Variants in UBE2O observed in about 807,000 individuals in gnomAD.
The protein encoded by UBE2O is (E3-independent) E2 ubiquitin-conjugating enzyme.
A neutral mutation model predicts 125.8 loss-of-function variants in UBE2O; 15 were observed. The ratio of observed to expected loss-of-function variants is 0.12; its 90% CI spans 0.08 to 0.18. The LOEUF (loss-of-function observed/expected upper bound fraction) is 0.18, where lower values mean the gene tolerates loss of function less well. UBE2O is among the 10% of genes least tolerant of loss of function. The pLI is 1.00. For missense variants in UBE2O, 1,280 were observed against 1,723.6 expected (o/e 0.74, Z 4.56); for synonymous variants, 708 against 703.2 (o/e 1.01, Z -0.11).
In UBE2O at chr17:76,391,433, T is replaced by A; in HGVS notation, c.3389A>T (p.His1130Leu). ...CAGCCGCCAGCCACCAGTGCTAAAGTGTTGCCTGATCTCCTGCTCAAAGAC... is the reference window on the plus strand; with the variant it reads ...CAGCCGCCAGCCACCAGTGCTAAAGAGTTGCCTGATCTCCTGCTCAAAGAC... The part of the protein sequence containing the change: ...PEVFEQEIRQ[H>L]FSTGGWRLVN... The change falls in exon 18 of 18, where the codon CAC becomes CTC. Residue 1130 changes from histidine to leucine, a missense_variant. Transcript: ENST00000319380. This position sits in a 1 kb window ranked among gnomAD's most constrained non-coding sequence, Gnocchi z 8.4. 1 of 1,613,686 alleles carries A rather than the reference T, an allele frequency of 6.2e-7. No individual in the cohort carries two copies. The highest frequency in any genetic ancestry group is 8.5e-7 in the Non-Finnish European group (1 of 1,180,014).
chr17:76,431,969 C>T (rs1240047012), intron 1 of UBE2O, among the ~76,000 whole-genome samples: 1 of 152,212 alleles, frequency 6.6e-6, no homozygotes, highest in Non-Finnish European at 1.5e-5. Flanking sequence ...GGAAGACACT[C>T]CCTGTCAGTG....
Position 76,399,586 on chromosome 17 carries a change from AGAG to A in UBE2O, c.1488_1490del (p.Ser497del). 2 of 1,614,220 alleles carry A rather than the reference AGAG, an allele frequency of 1.2e-6. No homozygotes were observed. Among genetic ancestry groups the A allele is most frequent in the Non-Finnish European group, 1.7e-6 (2 of 1,180,034 alleles). On this transcript the variant is annotated inframe_deletion, in exon 9 of 18. Transcript: ENST00000319380. This position sits in a 1 kb window ranked among gnomAD's most constrained non-coding sequence, Gnocchi z 6.9. ...TCTGGGAGGAAGTGGTGGAGCTGGC[AGAG>A]GAGGTCACCGAACTGGTGTCGTCCG...
Position 76,400,104 on chromosome 17 carries a change from C to T in UBE2O, c.1155+43G>A. 6.3e-7 allele frequency: 1 copy of T among 1,595,340 alleles called. No homozygotes were observed. Among genetic ancestry groups the T allele is most frequent in the South Asian group, 1.1e-5 (1 of 88,216 alleles). ...CTTGGCCATGGAAATGGCTCAAGGC[C>T]AGTTCCTCAAATGCCCACCAATCCC... On this transcript the variant is annotated intron_variant, in intron 8 of 17. Transcript: ENST00000319380. The surrounding 1 kb of genome is among the most constrained non-coding windows in gnomAD (Gnocchi z 4.3).
intron 1 of UBE2O, among the ~76,000 whole-genome samples, chr17:76,441,903 G>A (rs1261552673): frequency 6.6e-6 from 1 of 152,256 alleles, no homozygotes; most frequent in East Asian, 1.9e-4. Context: ...AAGGGTCTTG[G>A]TGCAGGCAGA....
At position 76,402,565 on chromosome 17, in the gene UBE2O, T is replaced by G; in HGVS notation, c.686+37A>C. 6.3e-7 allele frequency: 1 copy of G among 1,577,680 alleles called. No individual in the cohort carries two copies. Among genetic ancestry groups the G allele is most frequent in the South Asian group, 1.1e-5 (1 of 90,370 alleles). Reference sequence around the variant, plus strand: ...CTCCCCTCTTTCCAAGAGGCTATCCTTCCCAAGCCGATGGCTCTCTGGTGG... The same window carrying G: ...CTCCCCTCTTTCCAAGAGGCTATCCGTCCCAAGCCGATGGCTCTCTGGTGG... On this transcript the variant is annotated intron_variant, in intron 4 of 17. Transcript: ENST00000319380. This position sits in a 1 kb window ranked among gnomAD's most constrained non-coding sequence, Gnocchi z 5.4.
Position 76,398,142 on chromosome 17 carries a change from C to T in UBE2O, c.2025+113G>A. 1 of 1,452,406 alleles carries T rather than the reference C, an allele frequency of 6.9e-7. No homozygotes were observed. 90.0% of individuals were successfully genotyped at this position (1,452,406 alleles called of 1,614,324 possible). ...CAGCTGCCCTTCTGAGGACACTGAG[C>T]CCAGAGGACTTTCAGGTCTTGTCTC... is the stretch of plus-strand genomic sequence containing the variant. On this transcript the variant is annotated intron_variant, in intron 12 of 17. Transcript: ENST00000319380. This position sits in a 1 kb window ranked among gnomAD's most constrained non-coding sequence, Gnocchi z 5.4.
chr17:76,441,557 C>G (rs918393373), intron 1 of UBE2O, among the ~76,000 whole-genome samples: 1 of 152,096 alleles, frequency 6.6e-6, no homozygotes, highest in Non-Finnish European at 1.5e-5. Flanking sequence ...AAAACTGAAC[C>G]CATTGACATC....
chr17:76,449,289 A>G (rs891691024), intron 1 of UBE2O, among the ~76,000 whole-genome samples: 3 of 152,258 alleles, frequency 2.0e-5, no homozygotes, highest in Non-Finnish European at 4.4e-5. Flanking sequence ...AAAAATTTCA[A>G]TGGGGCAAGG....
chr17:76,396,201 C>A lies in UBE2O; in HGVS notation c.2736G>T (p.Gln912His). 2 of 1,614,160 alleles carry A rather than the reference C, an allele frequency of 1.2e-6. No homozygotes were observed. The highest frequency in any genetic ancestry group is 2.2e-5 in the South Asian group (2 of 91,084). ...AGGTGACGCCAGGCTTGCCGCCACA[C>A]TGCTGGCACAGCACCGGGGTTTCGC... ...WPSETPVLCQ[Q>H]CGGKPGVTFT... The change falls in exon 14 of 18, where the codon CAG (glutamine) becomes CAT (histidine). Residue 912 changes from glutamine (Q) to histidine (H), a missense_variant. Gln to His is a conservative substitution (Grantham distance 24). Coordinates refer to ENST00000319380, the MANE Select transcript of UBE2O (RefSeq NM_022066.4). The surrounding 1 kb of genome is among the most constrained non-coding windows in gnomAD (Gnocchi z 6.7).
intron 1 of UBE2O, among the ~76,000 whole-genome samples, chr17:76,448,251 C>G (rs1168354932): frequency 1.3e-5 from 2 of 152,238 alleles, no homozygotes; most frequent in African/African-American, 4.8e-5. Flanking sequence ...TAAGAGTCTA[C>G]AAGTGCTGTG....
rs1411023927 is a variant in UBE2O at position 76,399,621 on chromosome 17, C to T, written c.1456G>A (p.Asp486Asn). 1 of 1,614,090 alleles carries T rather than the reference C, an allele frequency of 6.2e-7. No individual in the cohort carries two copies. Among genetic ancestry groups the T allele is most frequent in the Non-Finnish European group, 8.5e-7 (1 of 1,180,060 alleles). The change falls in exon 9 of 18, where the codon GAT (aspartate) becomes AAT (asparagine). Residue 486 changes from aspartate (D) to asparagine (N), a missense_variant. By Grantham distance (23) the Asp-to-Asn change is conservative. Transcript: ENST00000319380. The surrounding 1 kb of genome is among the most constrained non-coding windows in gnomAD (Gnocchi z 6.9). ...AEQDADDEAADDTDDTSSVTS... is the reference protein window; with the variant it reads ...AEQDADDEAANDTDDTSSVTS... Reference sequence around the variant, plus strand: ...ACCGAACTGGTGTCGTCCGTGTCATCAGCAGCCTCATCATCTGCGTCCTGC... The same window carrying T: ...ACCGAACTGGTGTCGTCCGTGTCATTAGCAGCCTCATCATCTGCGTCCTGC...
rs181356161 is a variant in UBE2O, at chr17:76,399,962, C to T, written c.1156-41G>A. 2.9e-4 allele frequency: 457 copies of T among 1,559,926 alleles called. 9 individuals are homozygous for T. In the Admixed American group the frequency reaches 8.1e-3, roughly 28 times the overall value. ...AGAGAGGACAGGGCTGTGAGGTGCACCTGGGCAGGCCTGGCCCTAGGCATC... is the reference window on the plus strand; with the variant it reads ...AGAGAGGACAGGGCTGTGAGGTGCATCTGGGCAGGCCTGGCCCTAGGCATC... On this transcript the variant is annotated intron_variant, in intron 8 of 17. Coordinates refer to ENST00000319380, the MANE Select transcript of UBE2O (RefSeq NM_022066.4). The surrounding 1 kb of genome is among the most constrained non-coding windows in gnomAD (Gnocchi z 6.9).
intron 13 of UBE2O, 74 bp downstream of exon 13, chr17:76,397,725 G>T: frequency 7.0e-7 from 1 of 1,434,526 alleles, no homozygotes; most frequent in Non-Finnish European, 9.8e-7. Flanking sequence ...CCATCTTCTG[G>T]CTACACGCCT....
chr17:76,443,279 G>C (rs2073102278), intron 1 of UBE2O, among the ~76,000 whole-genome samples: 1 of 151,618 alleles, frequency 6.6e-6, no homozygotes, highest in African/African-American at 2.4e-5. Flanking sequence ...AAAAAAGTTG[G>C]GGAATATATA....
At chr17:76,437,940 G>A (rs866412960) in intron 1 of UBE2O, among the ~76,000 whole-genome samples, 2 of 152,138 alleles carry the variant, frequency 1.3e-5, no homozygotes, top group African/African-American at 2.4e-5. Context: ...TACACGCTTC[G>A]AAGGGAGGTG....
chr17:76,421,526 C>T (rs934936291), intron 1 of UBE2O, among the ~76,000 whole-genome samples: 9 of 152,140 alleles, frequency 5.9e-5, no homozygotes, highest in Non-Finnish European at 1.5e-5. Flanking sequence ...CCACCACGCC[C>T]AACTAATTTT....
At chr17:76,419,592 G>A (rs892165263) in intron 1 of UBE2O, among the ~76,000 whole-genome samples, 28 of 152,108 alleles carry the variant, frequency 1.8e-4, no homozygotes, top group African/African-American at 6.8e-4. Context: ...AAACTGATAT[G>A]GCCCCAACCT....
chr17:76,404,841 C>G lies in UBE2O; in HGVS notation c.588+365G>C, dbSNP rs955120588. Among the ~76,000 whole-genome samples the G allele has an allele frequency of 6.6e-6, 1 of 151,618 alleles. No homozygotes were observed. Among genetic ancestry groups the G allele is most frequent in the Non-Finnish European group, 1.5e-5 (1 of 67,938 alleles). On this transcript the variant is annotated intron_variant, in intron 3 of 17. Coordinates refer to ENST00000319380, the MANE Select transcript of UBE2O (RefSeq NM_022066.4). The surrounding 1 kb of genome is among the most constrained non-coding windows in gnomAD (Gnocchi z 4.3). ...AAGTGAAATCTTAACAGCTGAGGAA[C>G]CTGGATGGAGGGACACAGGAATTTA...
chr17:76,397,023 C>CCA, intron 13 of UBE2O, among the ~76,000 whole-genome samples: 1 of 152,282 alleles, frequency 6.6e-6, no homozygotes, highest in East Asian at 1.9e-4. Flanking sequence ...TTCACCTGTC[C>CCA]CACCCTCCAG....
Sources: allele counts gnomAD v4.1 joint callset (sites outside exome capture counted in the v4.1 genomes callset), GRCh38; gene constraint gnomAD v4.1.1; non-coding constraint Gnocchi (gnomAD v3.1); transcripts MANE v1.5; gene names NCBI Gene and HGNC (gene_info 2026-07-23, HGNC 2026-07-21).